CFAP77: variants seen among roughly 807,000 people sequenced by gnomAD.
CFAP77 encodes the protein cilia- and flagella-associated protein 77.
In CFAP77, 25 loss-of-function variants were observed where a neutral mutation model predicts 31.1. That is an observed-to-expected ratio of 0.80 (90% confidence interval 0.59 to 1.12). The LOEUF is 1.12. Ranked by LOEUF, CFAP77 falls within the 50% of genes most tolerant of loss-of-function variation. The pLI is 0.00. For missense variants in CFAP77, 377 were observed against 397.3 expected (o/e 0.95, Z 0.44); for synonymous variants, 151 against 159.9 (o/e 0.94, Z 0.42).
Position 132,464,050 on chromosome 9 carries a change from AC to A in CFAP77, c.196-34643del, listed in dbSNP as rs534904689. Among the ~76,000 whole-genome samples the A allele has an allele frequency of 1.5e-3, 223 of 152,338 alleles. 1 individual carries two copies. Among genetic ancestry groups the A allele is most frequent in the Non-Finnish European group, 2.3e-3 (155 of 68,030 alleles). ...CTGCTTTCCCTCATTCCGCATCACA[AC>A]CTGCTGTGCTTACAGTGAACGTCTC... On this transcript the variant is annotated intron_variant, in intron 1 of 5. Coordinates refer to ENST00000393216, the MANE Select transcript of CFAP77 (RefSeq NM_001282957.2).
rs1458170138 is a variant in CFAP77, at chr9:132,545,739, C to T, written c.732+2692C>T. Among the ~76,000 whole-genome samples the T allele has an allele frequency of 1.3e-5, 2 of 152,172 alleles. No homozygotes were observed. The highest frequency in any genetic ancestry group is 2.4e-5 in the African/African-American group (1 of 41,434). On this transcript the variant is annotated intron_variant, in intron 5 of 5. Coordinates refer to ENST00000393216, the MANE Select transcript of CFAP77 (RefSeq NM_001282957.2). The surrounding 1 kb of genome is among the most constrained non-coding windows in gnomAD (Gnocchi z 4.6). ...ATTTACCGAGCCCTTAGAATGCACCCGGCGCTGAGCAGGTCTCATCTCATA... is the reference window on the plus strand; with the variant it reads ...ATTTACCGAGCCCTTAGAATGCACCTGGCGCTGAGCAGGTCTCATCTCATA...
rs186213344 is a variant in CFAP77 at position 132,424,768 on chromosome 9, T to C, written c.195+14302T>C. ...TTTCAGGTTATTCCAAACGTGCGCA[T>C]CTGCCGGCCAGGGAGCCAGGATGGC... On this transcript the variant is annotated intron_variant, in intron 1 of 5. Coordinates refer to ENST00000393216, the MANE Select transcript of CFAP77 (RefSeq NM_001282957.2). The surrounding 1 kb of genome is among the most constrained non-coding windows in gnomAD (Gnocchi z 4.1). 6.6e-6 allele frequency among the ~76,000 whole-genome samples: 1 copy of C among 152,304 alleles called. No individual in the cohort carries two copies. Among genetic ancestry groups the C allele is most frequent in the Non-Finnish European group, 1.5e-5 (1 of 68,012 alleles).
chr9:132,507,926 T>C (rs1851962303), intron 3 of CFAP77, among the ~76,000 whole-genome samples: 2 of 152,250 alleles, frequency 1.3e-5, no homozygotes, highest in South Asian at 4.1e-4. Flanking sequence ...AAGTTTCTCC[T>C]GTCCCCCGCA....
rs1176973245 is a variant in CFAP77, at chr9:132,528,664, AAAAC to A, written c.525-8930_525-8927del. The stretch of plus-strand genomic sequence containing the variant: ...TGAACTCAAACAAATTTACAAGAAA[AAAAC>A]AAACAACCCCATCAAAAAGTGGGCG... On this transcript the variant is annotated intron_variant, in intron 3 of 5. Coordinates refer to ENST00000393216, the MANE Select transcript of CFAP77 (RefSeq NM_001282957.2). Among the ~76,000 whole-genome samples the A allele has an allele frequency of 6.3e-5, 5 of 78,920 alleles. No individual in the cohort carries two copies. The East Asian group carries it at 1.6e-3, about 25-fold the overall frequency. The allele number at this position is 78,920 out of a possible 152,430, so 51.8% of individuals were successfully genotyped here.
chr9:132,566,941 A>G (rs547695918), intron 5 of CFAP77, among the ~76,000 whole-genome samples: 3 of 152,264 alleles, frequency 2.0e-5, no homozygotes, highest in African/African-American at 7.2e-5. Flanking sequence ...TCATTCATTC[A>G]TACATTTGGG....
rs534903813 is a variant in CFAP77 at position 132,537,510 on chromosome 9, C to G, written c.525-91C>G. 1.3e-4 allele frequency: 115 copies of G among 870,458 alleles called. 2 individuals are homozygous for G. The South Asian group carries it at 1.7e-3, about 13-fold the overall frequency. The allele number at this position is 870,458 out of a possible 1,614,324, so 53.9% of individuals were successfully genotyped here. On this transcript the variant is annotated intron_variant, in intron 3 of 5. Coordinates refer to ENST00000393216, the MANE Select transcript of CFAP77 (RefSeq NM_001282957.2). Reference sequence around the variant, plus strand: ...GAGTGATGTACCCCACAGCCCCTGACGTTTAGGAGGCTCCCGGGGGCGGGC... The same window carrying G: ...GAGTGATGTACCCCACAGCCCCTGAGGTTTAGGAGGCTCCCGGGGGCGGGC...
At chr9:132,428,000 C>CT (rs796779511) in intron 1 of CFAP77, among the ~76,000 whole-genome samples, 9,541 of 142,784 alleles carry the variant, frequency 0.067, 1,004 homozygotes, top group African/African-American at 0.22. Context: ...TAGATTCTTT[C>CT]TTTTTTTTTT....
rs751785803 is a variant in CFAP77 at position 132,545,916 on chromosome 9, C to T, written c.732+2869C>T. ...CCCACCCACAGGTCCCCATTCTCACCACCAAGGGATCCTTTCTTCCCCTTC... is the reference window on the plus strand; with the variant it reads ...CCCACCCACAGGTCCCCATTCTCACTACCAAGGGATCCTTTCTTCCCCTTC... On this transcript the variant is annotated intron_variant, in intron 5 of 5. Transcript: ENST00000393216. This position sits in a 1 kb window ranked among gnomAD's most constrained non-coding sequence, Gnocchi z 4.6. 3.0e-4 allele frequency among the ~76,000 whole-genome samples: 45 copies of T among 152,158 alleles called. No individual in the cohort carries two copies. Among genetic ancestry groups the T allele is most frequent in the Non-Finnish European group, 5.9e-4 (40 of 68,020 alleles).
At chr9:132,470,731 G>A (rs535323754) in intron 1 of CFAP77, among the ~76,000 whole-genome samples, 5 of 152,352 alleles carry the variant, frequency 3.3e-5, no homozygotes, top group African/African-American at 7.2e-5. Context: ...TAATGTGGCC[G>A]GGCACGGTGG....
At chr9:132,461,868 T>C (rs1054476220) in intron 1 of CFAP77, among the ~76,000 whole-genome samples, 1 of 152,244 alleles carries the variant, frequency 6.6e-6, no homozygotes, top group African/African-American at 2.4e-5. Context: ...GTTTCTGCTC[T>C]AGAGCCTGCG....
chr9:132,523,576 TG>T (rs1186749095), intron 3 of CFAP77, among the ~76,000 whole-genome samples: 1 of 152,220 alleles, frequency 6.6e-6, no homozygotes, highest in Non-Finnish European at 1.5e-5. Context: ...TTTACAAATG[TG>T]ACCAGCTCAG....
intron 1 of CFAP77, among the ~76,000 whole-genome samples, chr9:132,468,624 TG>T (rs1851197666): frequency 6.6e-6 from 1 of 152,204 alleles, no homozygotes; most frequent in Non-Finnish European, 1.5e-5. Flanking sequence ...TTCTAACAAT[TG>T]TCACAGGGGT....
In CFAP77 at chr9:132,498,985, C is replaced by T. The variant is rs1346725435; in HGVS notation, c.295+191C>T. ...CCAGATGGGGAGGGCCAAGCAGGGC[C>T]CTGGTGTGCGGTGTCAGGGAACTAG... On this transcript the variant is annotated intron_variant, in intron 2 of 5. Transcript: ENST00000393216. The surrounding 1 kb of genome is among the most constrained non-coding windows in gnomAD (Gnocchi z 4.2). Among the ~76,000 whole-genome samples, 1 of 152,162 alleles carries T rather than the reference C, an allele frequency of 6.6e-6. No individual in the cohort carries two copies. Among genetic ancestry groups the T allele is most frequent in the Non-Finnish European group, 1.5e-5 (1 of 68,018 alleles).
Position 132,472,040 on chromosome 9 carries a change from G to A in CFAP77, c.196-26655G>A, listed in dbSNP as rs563549342. ...CTGGGCATTTTTATTTGCTAAATCT[G>A]GCAGACTAGCTGGCAGCCCAGCACC... is the stretch of plus-strand genomic sequence containing the variant. On this transcript the variant is annotated intron_variant, in intron 1 of 5. Transcript: ENST00000393216. Among the ~76,000 whole-genome samples, 4 of 152,226 alleles carry A rather than the reference G, an allele frequency of 2.6e-5. No homozygotes were observed. The South Asian group carries it at 6.2e-4, about 24-fold the overall frequency.
chr9:132,505,245 G>T (rs939017182), intron 3 of CFAP77, among the ~76,000 whole-genome samples: 10 of 152,196 alleles, frequency 6.6e-5, no homozygotes, highest in African/African-American at 2.4e-4. Flanking sequence ...ATGAATTGTG[G>T]TGAGGGGTGC....
intron 3 of CFAP77, among the ~76,000 whole-genome samples, chr9:132,532,528 A>G (rs1360311973): frequency 6.6e-6 from 1 of 152,166 alleles, no homozygotes; most frequent in Non-Finnish European, 1.5e-5. Flanking sequence ...TTTTGAATGG[A>G]AAAAATTTTA....
intron 1 of CFAP77, among the ~76,000 whole-genome samples, chr9:132,427,360 A>AT: frequency 6.6e-6 from 1 of 152,002 alleles, no homozygotes; most frequent in Non-Finnish European, 1.5e-5. Context: ...AGCCCATCCT[A>AT]TGTCCCACCC....
At chr9:132,506,103 C>G (rs1474639832) in intron 3 of CFAP77, among the ~76,000 whole-genome samples, 1 of 152,246 alleles carries the variant, frequency 6.6e-6, no homozygotes, top group Non-Finnish European at 1.5e-5. Context: ...TCTATCCAGT[C>G]TGGCAGCTGG....
intron 3 of CFAP77, among the ~76,000 whole-genome samples, chr9:132,504,101 T>C (rs763429033): frequency 5.3e-5 from 8 of 152,192 alleles, no homozygotes; most frequent in Admixed American, 3.3e-4. Context: ...TTCAAAGCCC[T>C]TACTTAAAAC....
Sources: gnomAD v4.1 joint callset for allele counts (sites outside exome capture counted in the v4.1 genomes callset) on GRCh38, gnomAD v4.1.1 for gene constraint, Gnocchi (gnomAD v3.1) non-coding constraint, MANE v1.5 for transcripts, NCBI Gene and HGNC (gene_info 2026-07-23, HGNC 2026-07-21) for gene names.